Variants in ARHGAP10 observed in about 807,000 individuals in gnomAD.
ARHGAP10 encodes the protein rho GTPase-activating protein 10.
In ARHGAP10, 87 loss-of-function variants were observed where a neutral mutation model predicts 108.6. The observed-to-expected ratio is 0.80, with a 90% CI of 0.67 to 0.96. The LOEUF is 0.96. Ranked by LOEUF, ARHGAP10 falls within the 40% of genes least tolerant of loss-of-function variation. The pLI is 0.00. For missense variants in ARHGAP10, 939 were observed against 954.5 expected (o/e 0.98, Z 0.21); for synonymous variants, 347 against 341.1 (o/e 1.02, Z -0.19).
intron 18 of ARHGAP10, among the ~76,000 whole-genome samples, chr4:147,973,630 TTCTA>T (rs1359124963): frequency 1.3e-5 from 2 of 152,164 alleles, no homozygotes; most frequent in African/African-American, 4.8e-5. Context: ...CTGAATTTTA[TTCTA>T]TCTAACTGTA....
At chr4:147,914,592 A>T (rs76001514) in intron 13 of ARHGAP10, among the ~76,000 whole-genome samples, 1 of 140,110 alleles carries the variant, frequency 7.1e-6, no homozygotes, top group Non-Finnish European at 1.5e-5. Context: ...CATCTTCAGC[A>T]TTTTTGTACA....
At chr4:147,938,662 G>C (rs1578712005) in intron 13 of ARHGAP10, among the ~76,000 whole-genome samples, 1 of 152,122 alleles carries the variant, frequency 6.6e-6, no homozygotes, top group Non-Finnish European at 1.5e-5. Flanking sequence ...TCATCACTCC[G>C]AGCAGGGAGG....
intron 3 of ARHGAP10, among the ~76,000 whole-genome samples, chr4:147,841,946 C>T (rs1733431621): frequency 6.6e-6 from 1 of 152,120 alleles, no homozygotes; most frequent in African/African-American, 2.4e-5. Context: ...TCCCACGTCA[C>T]CCCCAAGATG....
At chr4:147,816,034 C>A (rs541208801) in intron 1 of ARHGAP10, among the ~76,000 whole-genome samples, 1 of 152,298 alleles carries the variant, frequency 6.6e-6, no homozygotes, top group East Asian at 1.9e-4. Flanking sequence ...TCTGGTTTTC[C>A]TGTTCCTACT....
intron 3 of ARHGAP10, among the ~76,000 whole-genome samples, chr4:147,846,243 G>A (rs1237101405): frequency 6.6e-6 from 1 of 152,096 alleles, no homozygotes; most frequent in Non-Finnish European, 1.5e-5. Flanking sequence ...GGAGCCTTTG[G>A]TTACATTAAG....
intron 1 of ARHGAP10, among the ~76,000 whole-genome samples, chr4:147,799,911 TG>T (rs943123640): frequency 1.3e-5 from 2 of 152,086 alleles, no homozygotes; most frequent in Non-Finnish European, 2.9e-5. Context: ...ATCTTTTTTT[TG>T]GGGGGGTGCG....
intron 7 of ARHGAP10, among the ~76,000 whole-genome samples, chr4:147,873,228 A>G (rs1734913745): frequency 6.6e-6 from 1 of 152,190 alleles, no homozygotes; most frequent in Non-Finnish European, 1.5e-5. Context: ...CCAGAAGGTA[A>G]GGAACTGGTT....
At chr4:147,832,086 C>T (rs1182238819) in intron 3 of ARHGAP10, among the ~76,000 whole-genome samples, 7 of 151,986 alleles carry the variant, frequency 4.6e-5, no homozygotes, top group Non-Finnish European at 1.0e-4. Flanking sequence ...CTGCCCCGCC[C>T]GACATACACA....
intron 1 of ARHGAP10, among the ~76,000 whole-genome samples, chr4:147,775,136 A>T (rs1730232962): frequency 6.6e-6 from 1 of 151,806 alleles, no homozygotes; most frequent in East Asian, 1.9e-4. Context: ...GCTGGTCTTG[A>T]ACTCCTGACC....
intron 1 of ARHGAP10, among the ~76,000 whole-genome samples, chr4:147,786,811 T>C (rs185113925): frequency 1.2e-4 from 19 of 152,234 alleles, no homozygotes; most frequent in African/African-American, 4.3e-4. Context: ...GAAATGAGTC[T>C]GTATTCAGCC....
chr4:147,822,832 C>T lies in ARHGAP10; in HGVS notation c.250+10C>T. On this transcript the variant is annotated intron_variant, in intron 2 of 22. Transcript: ENST00000336498. ...GATGAACGATGCATAGGTAATTAAACATGATATTTTGGTTTGTTTTCCTTT... is the reference window on the plus strand; with the variant it reads ...GATGAACGATGCATAGGTAATTAAATATGATATTTTGGTTTGTTTTCCTTT... 6.2e-7 allele frequency: 1 copy of T among 1,613,990 alleles called. No individual in the cohort carries two copies. Among genetic ancestry groups the T allele is most frequent in the Non-Finnish European group, 8.5e-7 (1 of 1,179,872 alleles).
chr4:147,821,479 T>C (rs547733753), intron 1 of ARHGAP10, among the ~76,000 whole-genome samples: 1 of 152,318 alleles, frequency 6.6e-6, no homozygotes, highest in South Asian at 2.1e-4. Context: ...AGTTTTGCCT[T>C]TTCATATTTA....
intron 14 of ARHGAP10, among the ~76,000 whole-genome samples, chr4:147,945,974 G>A (rs1451337979): frequency 1.3e-5 from 2 of 152,276 alleles, no homozygotes; most frequent in Middle Eastern, 3.4e-3. Context: ...TGCATAAGGC[G>A]GGAATTCCCA....
chr4:148,002,540 T>G (rs921262709), intron 18 of ARHGAP10, among the ~76,000 whole-genome samples: 1 of 152,154 alleles, frequency 6.6e-6, no homozygotes, highest in Non-Finnish European at 1.5e-5. Flanking sequence ...ATCCATCTGG[T>G]CCTGGACTTT....
intron 4 of ARHGAP10, among the ~76,000 whole-genome samples, chr4:147,849,429 C>G (rs1440450185): frequency 3.3e-5 from 5 of 152,114 alleles, no homozygotes; most frequent in Non-Finnish European, 1.5e-5. Flanking sequence ...AGTCTTGTTC[C>G]TCTGATTAAA....
At chr4:147,899,730 G>T (rs1736151576) in intron 10 of ARHGAP10, among the ~76,000 whole-genome samples, 1 of 147,974 alleles carries the variant, frequency 6.8e-6, no homozygotes, top group African/African-American at 2.5e-5. Flanking sequence ...TGGAAAAAAT[G>T]CATGATTCAT....
chr4:147,883,950 C>A (rs768162391), intron 10 of ARHGAP10, among the ~76,000 whole-genome samples: 1 of 152,168 alleles, frequency 6.6e-6, no homozygotes, highest in African/African-American at 2.4e-5. Context: ...CTGCCTTGGC[C>A]TCCCAAAGTG....
intron 6 of ARHGAP10, 172 bp downstream of exon 6, chr4:147,865,128 A>C: frequency 1.7e-6 from 1 of 588,884 alleles, no homozygotes; most frequent in Non-Finnish European, 3.0e-6. Context: ...AATTGCCTCT[A>C]AATCAGTGGT....
intron 18 of ARHGAP10, among the ~76,000 whole-genome samples, chr4:147,983,361 A>G (rs1739905936): frequency 6.7e-6 from 1 of 149,778 alleles, no homozygotes; most frequent in Non-Finnish European, 1.5e-5. Context: ...AATTTTTTGT[A>G]TTTTTAGTAG....
Sources: allele counts gnomAD v4.1 joint callset (sites outside exome capture counted in the v4.1 genomes callset), GRCh38; gene constraint gnomAD v4.1.1; transcripts MANE v1.5; gene names NCBI Gene and HGNC (gene_info 2026-07-23, HGNC 2026-07-21).